Variants in PTPN22 observed in about 807,000 individuals in gnomAD.
PTPN22 encodes tyrosine-protein phosphatase non-receptor type 22.
Under a neutral mutation model 103.3 loss-of-function variants are expected in PTPN22, and 85 were observed. That is an observed-to-expected ratio of 0.82 (90% CI 0.69 to 0.99). The LOEUF (loss-of-function observed/expected upper bound fraction) is 0.99, where lower values mean the gene tolerates loss of function less well. PTPN22 is among the 50% of genes least tolerant of loss of function. PTPN22 has a pLI of 0.00. For missense variants in PTPN22, 865 were observed against 936.9 expected (o/e 0.92, Z 1.00); for synonymous variants, 323 against 310.2 (o/e 1.04, Z -0.43).
intron 9 of PTPN22, among the ~76,000 whole-genome samples, chr1:113,852,516 G>T (rs1664661595): frequency 6.6e-6 from 1 of 152,226 alleles, no homozygotes; most frequent in African/African-American, 2.4e-5. Context: ...TATGATTGCA[G>T]TAAGTTGAGT....
chr1:113,849,649 G>A (rs1201829900), intron 10 of PTPN22, among the ~76,000 whole-genome samples: 1 of 149,456 alleles, frequency 6.7e-6, no homozygotes, highest in African/African-American at 2.5e-5. Context: ...GTGCAGTGAT[G>A]CAATCTCGGC....
At chr1:113,836,623 T>C (rs1663040906) in intron 13 of PTPN22, among the ~76,000 whole-genome samples, 1 of 152,216 alleles carries the variant, frequency 6.6e-6, no homozygotes, top group African/African-American at 2.4e-5. Flanking sequence ...AAGCTGCTTC[T>C]ATATGTTAAG....
chr1:113,824,333 C>T (rs531204175), intron 19 of PTPN22, among the ~76,000 whole-genome samples: 5 of 152,242 alleles, frequency 3.3e-5, no homozygotes, highest in Admixed American at 6.5e-5. Flanking sequence ...AACTGCTGAC[C>T]TTGTGATCCA....
intron 1 of PTPN22, 83 bp from the exon 2 acceptor site, chr1:113,859,543 G>A: frequency 1.8e-6 from 2 of 1,088,652 alleles, no homozygotes; most frequent in Admixed American, 2.0e-5. Flanking sequence ...CTTTTCCACT[G>A]GCAAAACATT....
intron 1 of PTPN22, chr1:113,864,515 CTT>C: frequency 4.1e-6 from 1 of 242,506 alleles, no homozygotes; most frequent in South Asian, 3.9e-5. Flanking sequence ...AATCTCAACA[CTT>C]TGGGAGGCTG....
In PTPN22 at chr1:113,829,622, CT is replaced by C. The variant is rs745756876; in HGVS notation, c.2219del (p.Lys740ArgfsTer13). 1.9e-6 allele frequency: 3 copies of C among 1,605,084 alleles called. No homozygotes were observed. The Admixed American group carries it at 5.1e-5, about 27-fold the overall frequency. On this transcript the variant is annotated frameshift_variant, in exon 18 of 21. Transcript: ENST00000359785. LOFTEE classifies it high-confidence loss of function. ...TCCTTGTGAAACTTTTTCCAGGAGTCTTCAGTGTCTGTTTTGAAGATGTTGA... is the reference window on the plus strand; with the variant it reads ...TCCTTGTGAAACTTTTTCCAGGAGTCTCAGTGTCTGTTTTGAAGATGTTGA...
At chr1:113,821,482 T>C (rs1237682) in intron 19 of PTPN22, among the ~76,000 whole-genome samples, 122,850 of 152,010 alleles carry the variant, frequency 0.81, 50,662 homozygotes, top group African/African-American at 0.96. Context: ...CCAACACGCC[T>C]GGGTAAATTT....
At chr1:113,871,681 T>G (rs957607108) in exon 1 of PTPN22, 30 of 1,512,156 alleles carry the variant, frequency 2.0e-5, no homozygotes, top group Non-Finnish European at 2.7e-5. Context: ...GTCAAATGTG[T>G]GTCATGGCCG....
intron 13 of PTPN22, among the ~76,000 whole-genome samples, chr1:113,836,621 T>A (rs1663040683): frequency 6.6e-6 from 1 of 152,192 alleles, no homozygotes; most frequent in African/African-American, 2.4e-5. Flanking sequence ...GGAAGCTGCT[T>A]CTATATGTTA....
At chr1:113,871,743 T>A, upstream of PTPN22, 2 of 796,612 alleles carry the variant, frequency 2.5e-6, no homozygotes, top group Non-Finnish European at 4.2e-6. Context: ...TGCTGAAGGC[T>A]GTGGTTTACT....
chr1:113,822,036 G>A (rs1661657597), intron 19 of PTPN22, among the ~76,000 whole-genome samples: 1 of 152,106 alleles, frequency 6.6e-6, no homozygotes, highest in Non-Finnish European at 1.5e-5. Flanking sequence ...TCCATCATAA[G>A]CCTGAACTCA....
intron 20 of PTPN22, among the ~76,000 whole-genome samples, chr1:113,817,045 G>A (rs554088944): frequency 6.6e-6 from 1 of 152,120 alleles, no homozygotes; most frequent in Non-Finnish European, 1.5e-5. Context: ...AAAAAAATTG[G>A]TGGAGGGGAC....
intron 1 of PTPN22, among the ~76,000 whole-genome samples, chr1:113,862,546 G>A (rs1665707360): frequency 6.6e-6 from 1 of 152,116 alleles, no homozygotes; most frequent in Non-Finnish European, 1.5e-5. Flanking sequence ...TATTCTCACA[G>A]ACTAGTAAAT....
intron 13 of PTPN22, 90 bp from the exon 14 acceptor site, chr1:113,835,083 C>T (rs1457847989): frequency 3.0e-6 from 2 of 665,908 alleles, no homozygotes; most frequent in African/African-American, 3.8e-5. Flanking sequence ...ATAAATTTAC[C>T]ATAATTTATA....
intron 8 of PTPN22, 80 bp from the exon 9 acceptor site, chr1:113,854,617 C>T (rs1482102305): frequency 4.3e-6 from 6 of 1,387,012 alleles, no homozygotes; most frequent in Non-Finnish European, 6.1e-6. Flanking sequence ...GAAAATTTCA[C>T]CAGCAGATTT....
intron 20 of PTPN22, among the ~76,000 whole-genome samples, chr1:113,816,288 C>T (rs970606618): frequency 2.6e-5 from 4 of 151,818 alleles, no homozygotes; most frequent in African/African-American, 9.7e-5. Flanking sequence ...GCCTGGGCAA[C>T]ATAGTGAAAC....
intron 9 of PTPN22, among the ~76,000 whole-genome samples, chr1:113,853,658 T>C (rs1217408): frequency 0.34 from 51,694 of 150,680 alleles, 10,733 homozygotes; most frequent in African/African-American, 0.58. Flanking sequence ...CAAAAATTTC[T>C]TTCTTTTCCT....
At chr1:113,863,174 C>A (rs571413059) in intron 1 of PTPN22, among the ~76,000 whole-genome samples, 6 of 152,272 alleles carry the variant, frequency 3.9e-5, no homozygotes, top group Admixed American at 1.3e-4. Flanking sequence ...CTCACTGCAA[C>A]CTCTGCCTCC....
chr1:113,854,409 A>C lies in PTPN22; in HGVS notation c.750+62T>G, dbSNP rs77726592. On this transcript the variant is annotated intron_variant, in intron 9 of 20. Coordinates refer to ENST00000359785, the Ensembl canonical transcript of PTPN22. Reference sequence around the variant, plus strand: ...AGATAGATGTTTTGAAAAACCAAACAATTACTAAGTATGAAAGCAGTAGAC... The same window carrying C: ...AGATAGATGTTTTGAAAAACCAAACCATTACTAAGTATGAAAGCAGTAGAC... 4.7e-3 allele frequency: 6,796 copies of C among 1,455,978 alleles called. 283 individuals carry two copies. The African/African-American group carries it at 0.083, about 18-fold the overall frequency. 90.2% of individuals were successfully genotyped at this position (1,455,978 alleles called of 1,614,324 possible).
Sources: gnomAD v4.1 joint callset for allele counts (sites outside exome capture counted in the v4.1 genomes callset) on GRCh38, gnomAD v4.1.1 for gene constraint, MANE v1.5 for transcripts, NCBI Gene and HGNC (gene_info 2026-07-23, HGNC 2026-07-21) for gene names.